The following PCDHA7 variants were observed in gnomAD, a reference collection of about 807,000 sequenced individuals.
PCDHA7 encodes protocadherin alpha-7.
PCDHA7 carries 37 observed loss-of-function variants against 57.2 expected under a neutral mutation model. The observed-to-expected ratio is 0.65, with a 90% CI of 0.50 to 0.85. PCDHA7 has a LOEUF of 0.85. Among genes scored for constraint, PCDHA7 ranks in the 40% least tolerant of loss-of-function variants. The probability of loss-of-function intolerance (pLI) is 0.00; values close to 1 mark genes in which losing one functional copy is unlikely to be tolerated. For synonymous variants in PCDHA7, 553 were observed against 558.8 expected, an observed-to-expected ratio of 0.99 and a Z score of 0.15; for missense variants, 1,188 against 1,241.8, an observed-to-expected ratio of 0.96 and a Z score of 0.65.
chr5:140,905,722 T>A (rs1326323051), intron 1 of PCDHA7, among the ~76,000 whole-genome samples: 1 of 152,206 alleles, frequency 6.6e-6, no homozygotes, highest in Non-Finnish European at 1.5e-5. Context: ...AGCAGTGTTT[T>A]GTAGTTTTCC....
chr5:140,842,903 C>A lies in PCDHA7; in HGVS notation c.2355+6165C>A. The A allele has an allele frequency of 2.5e-6, 4 of 1,594,400 alleles. 1 individual carries two copies. The South Asian group carries it at 4.4e-5, about 18-fold the overall frequency. On this transcript the variant is annotated intron_variant, in intron 1 of 3. Transcript: ENST00000525929. Reference sequence around the variant, plus strand: ...GCTGCAGCCGCTGGACCACGAGGAGCTAGAGCTGCTGCAGTTCCAGGTGAG... The same window carrying A: ...GCTGCAGCCGCTGGACCACGAGGAGATAGAGCTGCTGCAGTTCCAGGTGAG...
intron 1 of PCDHA7, chr5:140,851,534 A>G: frequency 1.1e-6 from 1 of 902,820 alleles, no homozygotes; most frequent in Non-Finnish European, 1.4e-6. Flanking sequence ...CTGACAATGT[A>G]GATAATTCAA....
At chr5:141,004,013 G>C (rs1327248207) in intron 3 of PCDHA7, among the ~76,000 whole-genome samples, 4 of 152,124 alleles carry the variant, frequency 2.6e-5, no homozygotes, top group African/African-American at 9.7e-5. Context: ...AGGCAGCACT[G>C]AAAGAAGAAA....
At chr5:140,995,851 G>A (rs2097700458) in intron 3 of PCDHA7, among the ~76,000 whole-genome samples, 4 of 152,250 alleles carry the variant, frequency 2.6e-5, no homozygotes, top group South Asian at 2.1e-4. Flanking sequence ...CATTTCTATC[G>A]TATCACTTAA....
intron 1 of PCDHA7, chr5:140,851,593 C>A (rs1200692770): frequency 1.1e-6 from 1 of 916,458 alleles, no homozygotes; most frequent in Non-Finnish European, 1.3e-6. Context: ...TTTTGAAATT[C>A]AGTTTACAGA....
chr5:140,996,557 T>C (rs1200836194), intron 3 of PCDHA7, among the ~76,000 whole-genome samples: 3 of 152,226 alleles, frequency 2.0e-5, no homozygotes, highest in Admixed American at 6.5e-5. Context: ...GTCACTATCT[T>C]GAAGTTCTTG....
intron 1 of PCDHA7, chr5:140,851,516 T>A: frequency 1.1e-6 from 1 of 906,322 alleles, no homozygotes; most frequent in African/African-American, 1.8e-5. Context: ...AAATATGTTT[T>A]AAAATGCCTG....
At position 140,851,093 on chromosome 5, in the gene PCDHA7, T is replaced by C. The variant is rs1043292821; in HGVS notation, c.2355+14355T>C. On this transcript the variant is annotated intron_variant, in intron 1 of 3. Coordinates refer to ENST00000525929, the MANE Select transcript of PCDHA7 (RefSeq NM_018910.3). Reference sequence around the variant, plus strand: ...AATTATAAACTGTATATTAAATAGATATTTTTTGGGTGCTGAATCAATTTT... The same window carrying C: ...AATTATAAACTGTATATTAAATAGACATTTTTTGGGTGCTGAATCAATTTT... 2 of 1,294,092 alleles carry C rather than the reference T, an allele frequency of 1.5e-6. 1 individual carries two copies. The highest frequency in any genetic ancestry group is 2.0e-6 in the Non-Finnish European group (2 of 996,006). The allele number at this position is 1,294,092 out of a possible 1,614,324, so 80.2% of individuals were successfully genotyped here.
At chr5:140,839,504 C>A (rs1554137483) in intron 1 of PCDHA7, among the ~76,000 whole-genome samples, 1 of 152,000 alleles carries the variant, frequency 6.6e-6, no homozygotes, top group Non-Finnish European at 1.5e-5. Flanking sequence ...ATCTTCCTAC[C>A]TCAGCCTCTC....
At chr5:140,983,408 A>G (rs1554245369) in intron 3 of PCDHA7, among the ~76,000 whole-genome samples, 1 of 152,208 alleles carries the variant, frequency 6.6e-6, no homozygotes, top group Non-Finnish European at 1.5e-5. Flanking sequence ...GGGAAGATTA[A>G]GTGTTGGTAG....
chr5:140,948,517 C>A (rs2094265494), intron 1 of PCDHA7, among the ~76,000 whole-genome samples: 1 of 151,496 alleles, frequency 6.6e-6, no homozygotes. Flanking sequence ...AAAATGTTAA[C>A]ACTATTTATA....
chr5:140,997,123 A>T (rs1409528818), intron 3 of PCDHA7, among the ~76,000 whole-genome samples: 1 of 152,070 alleles, frequency 6.6e-6, no homozygotes, highest in African/African-American at 2.4e-5. Flanking sequence ...TCCCACATAC[A>T]CAATGCCCCC....
At chr5:140,927,094 G>C (rs555838945) in intron 1 of PCDHA7, 4 of 1,612,890 alleles carry the variant, frequency 2.5e-6, no homozygotes. Context: ...CTACTTCGGG[G>C]TGGATCTACC....
chr5:140,877,465 G>A, intron 1 of PCDHA7: 1 of 1,613,856 alleles, frequency 6.2e-7, no homozygotes, highest in Non-Finnish European at 8.5e-7. Context: ...CACGGCCACG[G>A]TGCTGGTGTC....
rs782448071 is a variant in PCDHA7 at position 140,858,265 on chromosome 5, C to T, written c.2355+21527C>T. The T allele has an allele frequency of 4.1e-5, 66 of 1,597,068 alleles. 7 individuals carry two copies. Among genetic ancestry groups the T allele is most frequent in the Non-Finnish European group, 5.4e-5 (63 of 1,166,972 alleles). ...GGCCGGTGAAGCCCACGCTGGTGTG[C>T]TCTAGCGCGGTGGGGAGCTGGTCTT... On this transcript the variant is annotated intron_variant, in intron 1 of 3. Coordinates refer to ENST00000525929, the MANE Select transcript of PCDHA7 (RefSeq NM_018910.3).
At chr5:140,961,548 T>G (rs2095620507) in intron 1 of PCDHA7, among the ~76,000 whole-genome samples, 2 of 152,230 alleles carry the variant, frequency 1.3e-5, no homozygotes, top group Non-Finnish European at 2.9e-5. Flanking sequence ...CCTGCAGCAT[T>G]TCTTTTTTTA....
At chr5:140,840,332 C>G (rs1776661015) in intron 1 of PCDHA7, among the ~76,000 whole-genome samples, 1 of 151,624 alleles carries the variant, frequency 6.6e-6, no homozygotes, top group African/African-American at 2.4e-5. Context: ...ATTTTCTAGG[C>G]AATGTTAGGG....
intron 3 of PCDHA7, among the ~76,000 whole-genome samples, chr5:141,000,387 CTCTCTCTCTA>C (rs1244377903): frequency 2.3e-3 from 152 of 66,802 alleles, no homozygotes; most frequent in African/African-American, 4.6e-3. Flanking sequence ...CTCTCTCTCT[CTCTCTCTCTA>C]TATATATATA....
chr5:140,978,656 G>A (rs2096815434), intron 1 of PCDHA7, among the ~76,000 whole-genome samples: 1 of 152,248 alleles, frequency 6.6e-6, no homozygotes, highest in African/African-American at 2.4e-5. Flanking sequence ...TCTTCCCGTA[G>A]TGTTTTAAGA....
Sources: allele counts gnomAD v4.1 joint callset (sites outside exome capture counted in the v4.1 genomes callset), GRCh38; gene constraint gnomAD v4.1.1; transcripts MANE v1.5; gene names NCBI Gene and HGNC (gene_info 2026-07-23, HGNC 2026-07-21).